The following ZNF395 variants were observed in gnomAD, a reference collection of about 807,000 sequenced individuals.
ZNF395 encodes the protein zinc finger protein 395, also known as HD gene regulatory region-binding protein 2.
Under a neutral mutation model 57.7 loss-of-function variants are expected in ZNF395, and 20 were observed. The observed-to-expected ratio is 0.35, with a 90% CI of 0.24 to 0.50. The LOEUF is 0.50. Ranked by LOEUF, ZNF395 falls within the 20% of genes least tolerant of loss-of-function variation. The pLI, the probability that ZNF395 is intolerant of heterozygous loss-of-function variation, is 0.97. For synonymous variants in ZNF395, 295 were observed against 275.9 expected (o/e 1.07, Z -0.69); for missense variants, 606 against 671.2 (o/e 0.90, Z 1.07).
intron 1 of ZNF395, among the ~76,000 whole-genome samples, chr8:28,375,775 A>G (rs1188324659): frequency 5.3e-5 from 8 of 152,176 alleles, no homozygotes; most frequent in Admixed American, 5.2e-4. Context: ...CAAGATTAAA[A>G]TGGACACAGG....
chr8:28,377,196 T>TA (rs202111880), intron 1 of ZNF395, among the ~76,000 whole-genome samples: 4 of 152,144 alleles, frequency 2.6e-5, no homozygotes, highest in East Asian at 3.9e-4. Context: ...AGAATTAAAC[T>TA]AAAAAAAATT....
At chr8:28,360,039 T>C (rs1320194064) in intron 2 of ZNF395, among the ~76,000 whole-genome samples, 2 of 152,170 alleles carry the variant, frequency 1.3e-5, no homozygotes, top group African/African-American at 4.8e-5. Context: ...CCTTATCAGC[T>C]CTCTAGACTG....
At chr8:28,364,653 CAAAAAAAA>C (rs1221074238) in intron 1 of ZNF395, among the ~76,000 whole-genome samples, 1 of 44,124 alleles carries the variant, frequency 2.3e-5, no homozygotes. Context: ...GACTCCGTCT[CAAAAAAAA>C]AAAAAAAAAA....
intron 1 of ZNF395, among the ~76,000 whole-genome samples, chr8:28,377,816 A>G (rs1283985613): frequency 2.2e-5 from 3 of 135,816 alleles, no homozygotes; most frequent in Admixed American, 8.0e-5. Context: ...GGAGTGCAGT[A>G]GCATGATCTC....
intron 1 of ZNF395, among the ~76,000 whole-genome samples, chr8:28,380,121 G>T (rs1802091521): frequency 1.3e-5 from 2 of 151,654 alleles, no homozygotes; most frequent in Non-Finnish European, 1.5e-5. Flanking sequence ...CACACCATTG[G>T]ATATTTAGGT....
rs888280682 is a variant in ZNF395, at chr8:28,346,712, G to C, written c.*2007C>G. On this transcript the variant is annotated 3_prime_UTR_variant, in exon 10 of 10. Transcript: ENST00000344423. ...GGCAGTGAAAACTCTGAGGGAGAGG[G>C]GAAGGGGAGGCCCTCCTGAGCGAAG... The C allele has an allele frequency of 3.9e-5, 6 of 152,066 alleles. No homozygotes were observed. Among genetic ancestry groups the C allele is most frequent in the African/African-American group, 1.4e-4 (6 of 41,388 alleles). 9.4% of individuals were successfully genotyped at this position (152,066 alleles called of 1,614,324 possible).
In ZNF395 at chr8:28,350,156, C is replaced by A. The variant is rs750797943; in HGVS notation, c.1234G>T (p.Ala412Ser). ...ACTGGGATCTGGAAGGATGGCAGAG[C>A]CTGCGGAAGACGAGGGTGTCAGCCC... ...WHIQADHAYQ[A>S]LPSFQIPVSP... Residue 412 changes from alanine to serine, a missense_variant and splice_region_variant, in exon 8 of 10, where the codon GCT (alanine) becomes TCT (serine). Physicochemically the swap from Ala to Ser is moderately conservative, Grantham distance 99 (BLOSUM62 1). Coordinates refer to ENST00000344423, the MANE Select transcript of ZNF395 (RefSeq NM_018660.3). The A allele has an allele frequency of 1.9e-6, 3 of 1,602,812 alleles. No individual in the cohort carries two copies. In the African/African-American group the frequency reaches 4.0e-5, roughly 21 times the overall value.
At chr8:28,351,907 A>G in intron 6 of ZNF395, 100 bp from the exon 7 acceptor site, 1 of 1,397,874 alleles carries the variant, frequency 7.2e-7, no homozygotes. Context: ...GAGGCCACCC[A>G]GCAAGCCAGG....
chr8:28,366,548 C>T (rs1801913139), intron 1 of ZNF395, among the ~76,000 whole-genome samples: 1 of 152,152 alleles, frequency 6.6e-6, no homozygotes, highest in Non-Finnish European at 1.5e-5. Flanking sequence ...GTTTGCATCT[C>T]TTATTTCACA....
At chr8:28,384,586 T>C (rs1443364112) in intron 1 of ZNF395, among the ~76,000 whole-genome samples, 1 of 152,230 alleles carries the variant, frequency 6.6e-6, no homozygotes, top group Non-Finnish European at 1.5e-5. Flanking sequence ...TTACACCTTC[T>C]GTCTCCTCTC....
intron 5 of ZNF395, 84 bp downstream of exon 5, chr8:28,353,089 G>A (rs1801737161): frequency 4.5e-6 from 6 of 1,335,420 alleles, no homozygotes; most frequent in South Asian, 1.2e-5. Context: ...GGCCTGCAGG[G>A]TCCCCTGCTC....
At position 28,352,030 on chromosome 8, in the gene ZNF395, C is replaced by T. The variant is rs747154934; in HGVS notation, c.921-223G>A. On this transcript the variant is annotated intron_variant, in intron 6 of 9. Transcript: ENST00000344423. This position sits in a 1 kb window ranked among gnomAD's most constrained non-coding sequence, Gnocchi z 4.0. ...CTGGCACCTAAGGCTCATTCTCTCC[C>T]GGAACATGTGCCAACCTCTCCTCTG... is the stretch of plus-strand genomic sequence containing the variant. Among the ~76,000 whole-genome samples the T allele has an allele frequency of 2.0e-5, 3 of 152,198 alleles. No individual in the cohort carries two copies. Among genetic ancestry groups the T allele is most frequent in the African/African-American group, 2.4e-5 (1 of 41,448 alleles).
chr8:28,369,367 G>A (rs1195917428), intron 1 of ZNF395, among the ~76,000 whole-genome samples: 1 of 152,120 alleles, frequency 6.6e-6, no homozygotes, highest in Non-Finnish European at 1.5e-5. Context: ...CCTGGCAGGA[G>A]GATGAGAGCT....
At chr8:28,351,342 G>A (rs1801679519) in intron 7 of ZNF395, 153 bp downstream of exon 7, 3 of 763,860 alleles carry the variant, frequency 3.9e-6, no homozygotes, top group Non-Finnish European at 6.0e-6. Flanking sequence ...TTATTGAGCA[G>A]TGAATTCGGT....
rs1356241205 is a variant in ZNF395, at chr8:28,348,645, G to C, written c.*74C>G. 2 of 1,348,872 alleles carry C rather than the reference G, an allele frequency of 1.5e-6. No individual in the cohort carries two copies. Among genetic ancestry groups the C allele is most frequent in the African/African-American group, 1.4e-5 (1 of 70,174 alleles). The allele number at this position is 1,348,872 out of a possible 1,614,324, so 83.6% of individuals were successfully genotyped here. ...TTCTTTCTCTTTCGGTTTCTGCTGA[G>C]GGCTGGTGACACACTGGCCTCTTGT... On this transcript the variant is annotated 3_prime_UTR_variant, in exon 10 of 10. Transcript: ENST00000344423.
intron 7 of ZNF395, chr8:28,351,281 G>C (rs1193753728): frequency 7.9e-6 from 4 of 505,012 alleles, no homozygotes; most frequent in Non-Finnish European, 1.4e-5. Flanking sequence ...TAGATTCCTA[G>C]TAACCACTCA....
chr8:28,362,993 A>G (rs903441094), intron 1 of ZNF395, among the ~76,000 whole-genome samples: 1 of 152,224 alleles, frequency 6.6e-6, no homozygotes, highest in Non-Finnish European at 1.5e-5. Flanking sequence ...GGTATCTGGT[A>G]ACTACATCCA....
chr8:28,361,635 G>A (rs188019771), intron 1 of ZNF395, among the ~76,000 whole-genome samples: 2 of 152,148 alleles, frequency 1.3e-5, no homozygotes, highest in African/African-American at 4.8e-5. Flanking sequence ...TCTGCCTGCA[G>A]TGAGCATCCT....
intron 1 of ZNF395, among the ~76,000 whole-genome samples, chr8:28,376,167 G>A (rs1415805263): frequency 6.6e-6 from 1 of 151,870 alleles, no homozygotes; most frequent in Non-Finnish European, 1.5e-5. Context: ...TAGAGATGGG[G>A]TTTCACCATG....
Sources: allele counts gnomAD v4.1 joint callset (sites outside exome capture counted in the v4.1 genomes callset), GRCh38; gene constraint gnomAD v4.1.1; non-coding constraint Gnocchi (gnomAD v3.1); transcripts MANE v1.5; gene names NCBI Gene and HGNC (gene_info 2026-07-23, HGNC 2026-07-21).